The following SON variants were observed in gnomAD, a reference collection of about 807,000 sequenced individuals.
The protein encoded by SON is SON DNA and RNA binding protein, also known as protein SON.
SON carries 4 observed loss-of-function variants against 173.3 expected under a neutral mutation model. The observed-to-expected ratio is 0.02, with a 90% CI of 0.01 to 0.05. The LOEUF is 0.05. Ranked by LOEUF, SON falls within the 10% of genes least tolerant of loss-of-function variation. The pLI, the probability that SON is intolerant of heterozygous loss-of-function variation, is 1.00. For missense variants in SON, 2,626 were observed against 3,055.3 expected (o/e 0.86, Z 3.31); for synonymous variants, 1,190 against 1,105.9 (o/e 1.08, Z -1.51).
intron 6 of SON, chr21:33,560,391 C>T (rs1358202023): frequency 1.7e-6 from 2 of 1,151,904 alleles, no homozygotes; most frequent in Non-Finnish European, 2.1e-6. Flanking sequence ...ACTCCATTCC[C>T]TTCTCCTTCC....
At chr21:33,555,650 T>C (rs1354677903) in intron 3 of SON, among the ~76,000 whole-genome samples, 1 of 152,224 alleles carries the variant, frequency 6.6e-6, no homozygotes, top group African/African-American at 2.4e-5. Context: ...GTTTTAGTTA[T>C]CTTGCCATAG....
intron 8 of SON, chr21:33,572,534 A>T: frequency 7.7e-7 from 1 of 1,300,656 alleles, no homozygotes; most frequent in Non-Finnish European, 1.0e-6. Flanking sequence ...ACCCCTCTGT[A>T]TGGAAACTTG....
intron 1 of SON, 102 bp from the exon 2 acceptor site, chr21:33,546,111 C>T (rs1011450450): frequency 1.4e-5 from 13 of 927,040 alleles, no homozygotes; most frequent in African/African-American, 3.4e-5. Flanking sequence ...AAAGGTAAAA[C>T]ATCTGACAGT....
chr21:33,569,384 TCAGAATATTCCA>T, intron 8 of SON: 2 of 357,940 alleles, frequency 5.6e-6, no homozygotes, highest in Non-Finnish European at 5.5e-6. Context: ...CAGGTGCTGT[TCAGAATATTCCA>T]CAGTTCCTGC....
intron 4 of SON, chr21:33,557,517 A>C: frequency 6.4e-7 from 1 of 1,550,780 alleles, no homozygotes; most frequent in Non-Finnish European, 8.7e-7. Flanking sequence ...GCTAGCTAAA[A>C]GTTACTTCCC....
intron 1 of SON, among the ~76,000 whole-genome samples, chr21:33,545,056 C>G (rs921697468): frequency 2.0e-5 from 3 of 152,098 alleles, no homozygotes; most frequent in Admixed American, 6.5e-5. Flanking sequence ...ATGAGGCTGA[C>G]ATTTAGATAG....
In SON at chr21:33,559,995, G is replaced by A. The variant is rs763022057; in HGVS notation, c.6657+220G>A. The A allele has an allele frequency of 1.1e-5, 17 of 1,614,156 alleles. No homozygotes were observed. Among genetic ancestry groups the A allele is most frequent in the East Asian group, 6.7e-5 (3 of 44,880 alleles). The stretch of plus-strand genomic sequence containing the variant: ...ACCAAGCCACAAAGTGAAAAGCATC[G>A]AATTGCAGAGAACAGTGTTATCACA... On this transcript the variant is annotated intron_variant, in intron 6 of 11. Transcript: ENST00000356577. The surrounding 1 kb of genome is among the most constrained non-coding windows in gnomAD (Gnocchi z 4.1).
chr21:33,546,639 G>T lies in SON; in HGVS notation c.244+260G>T, dbSNP rs2085623060. On this transcript the variant is annotated intron_variant, in intron 2 of 11. Transcript: ENST00000356577. ...CTACTGAAAATACAAAAATTAGCCG[G>T]GTGTGGTGGTGGGTGCCTGTAATCC... 3 of 234,274 alleles carry T rather than the reference G, an allele frequency of 1.3e-5. No homozygotes were observed. The East Asian group carries it at 4.2e-4, about 33-fold the overall frequency. 14.5% of individuals were successfully genotyped at this position (234,274 alleles called of 1,614,324 possible).
At chr21:33,568,809 C>T (rs1185976988) in intron 7 of SON, among the ~76,000 whole-genome samples, 162 bp from the exon 8 acceptor site, 1 of 152,148 alleles carries the variant, frequency 6.6e-6, no homozygotes, top group African/African-American at 2.4e-5. Flanking sequence ...TAAATGTTGT[C>T]AAACTGCTTC....
rs1408233408 is a variant in SON at position 33,554,798 on chromosome 21, C to T, written c.5567C>T (p.Ser1856Phe). ...AGAAAGAGATCATCTAAGTCCAAGT[C>T]TCATCGCTCTCAGACACGTTCACGG... Reference protein sequence around the residue: ...RARKRSSKSKSHRSQTRSRSR... With the variant: ...RARKRSSKSKFHRSQTRSRSR... The change falls in exon 3 of 12, where the codon TCT becomes TTT. Residue 1856 changes from serine (S) to phenylalanine (F), a missense_variant. Ser to Phe is a radical substitution (Grantham distance 155). This residue lies in a region of SON where 1,006 missense variants were observed against 895.6 expected (regional missense o/e 1.12). Transcript: ENST00000356577. 3 of 1,613,936 alleles carry T rather than the reference C, an allele frequency of 1.9e-6. No homozygotes were observed. Among genetic ancestry groups the T allele is most frequent in the African/African-American group, 2.7e-5 (2 of 75,032 alleles).
intron 7 of SON, 48 bp downstream of exon 7, chr21:33,567,315 TCA>T (rs1231966382): frequency 2.9e-6 from 3 of 1,038,614 alleles, no homozygotes; most frequent in East Asian, 2.4e-5. Flanking sequence ...ATCAGCCAAC[TCA>T]CACCAATGTA....
At position 33,559,780 on chromosome 21, in the gene SON, G is replaced by A; in HGVS notation, c.6657+5G>A. 6.2e-7 allele frequency: 1 copy of A among 1,613,162 alleles called. No homozygotes were observed. The highest frequency in any genetic ancestry group is 8.5e-7 in the Non-Finnish European group (1 of 1,179,560). On this transcript the variant is annotated splice_donor_5th_base_variant and intron_variant, in intron 6 of 11. Transcript: ENST00000356577. The surrounding 1 kb of genome is among the most constrained non-coding windows in gnomAD (Gnocchi z 4.1). ...AGCAGCAATTTGCCCTCAGAGGTAA[G>A]TAGGAGGAATATTATGTATTTTTCC...
Position 33,554,094 on chromosome 21 carries a change from T to A in SON, c.4863T>A (p.Ser1621Arg). The A allele has an allele frequency of 6.2e-7, 1 of 1,614,004 alleles. No individual in the cohort carries two copies. The highest frequency in any genetic ancestry group is 8.5e-7 in the Non-Finnish European group (1 of 1,179,890). The change falls in exon 3 of 12, where the codon AGT becomes AGA. Residue 1621 changes from serine to arginine, a missense_variant. Ser to Arg is a moderately radical substitution (Grantham distance 110). Coordinates refer to ENST00000356577, the MANE Select transcript of SON (RefSeq NM_138927.4). The stretch of plus-strand genomic sequence containing the variant: ...AATTTACCACAGCATCTACTCTCAG[T>A]TTAGTTAATAAATATGATGTTGATT... ...GIEFTTASTL[S>R]LVNKYDVDLS...
intron 2 of SON, among the ~76,000 whole-genome samples, chr21:33,548,878 A>C (rs1017173084): frequency 3.3e-5 from 5 of 152,240 alleles, no homozygotes; most frequent in African/African-American, 1.2e-4. Flanking sequence ...TGAGAGCTGG[A>C]GGGAATAATT....
rs1016369743 is a variant in SON, at chr21:33,550,228, G to A, written c.997G>A (p.Ala333Thr). ...STTMDFPESS[A>T]IEALRLPEQP... ...AACAATGGATTTTCCAGAGTCATCTGCAATTGAAGCGCTAAGATTGCCAGA... is the reference window on the plus strand; with the variant it reads ...AACAATGGATTTTCCAGAGTCATCTACAATTGAAGCGCTAAGATTGCCAGA... Residue 333 changes from alanine to threonine, a missense_variant, in exon 3 of 12, where the codon GCA (alanine) becomes ACA (threonine). Transcript: ENST00000356577. 2.5e-6 allele frequency: 4 copies of A among 1,614,142 alleles called. No homozygotes were observed. The African/African-American group carries it at 5.3e-5, about 22-fold the overall frequency.
rs771335229 is a variant in SON at position 33,546,251 on chromosome 21, C to T, written c.116C>T (p.Thr39Ile). 2 of 1,613,412 alleles carry T rather than the reference C, an allele frequency of 1.2e-6. No individual in the cohort carries two copies. Among genetic ancestry groups the T allele is most frequent in the South Asian group, 1.1e-5 (1 of 90,940 alleles). The change falls in exon 2 of 12, where the codon ACA (threonine) becomes ATA (isoleucine). Residue 39 changes from threonine to isoleucine, a missense_variant. Thr to Ile is a moderately conservative substitution (Grantham distance 89). This residue lies in a region of SON where 757 missense variants were observed against 730.1 expected (regional missense o/e 1.04). Transcript: ENST00000356577. ...NEGQLNGETN[T>I]PIEGNQAGDA... ...GGCCAGCTGAATGGTGAAACAAATACACCCATTGAAGGAAACCAGGCGGGT... is the reference window on the plus strand; with the variant it reads ...GGCCAGCTGAATGGTGAAACAAATATACCCATTGAAGGAAACCAGGCGGGT...
rs564002051 is a variant in SON, at chr21:33,567,870, G to A, written c.6768+603G>A. Among the ~76,000 whole-genome samples, 160 of 152,014 alleles carry A rather than the reference G, an allele frequency of 1.1e-3. 1 individual carries two copies. The highest frequency in any genetic ancestry group is 1.8e-3 in the Non-Finnish European group (121 of 67,942). ...AGAGGTTGCAGTGAGCCAGGATCGC[G>A]CCACTGTACTCCAGCCTGGGCAACA... On this transcript the variant is annotated intron_variant, in intron 7 of 11. Transcript: ENST00000356577.
At chr21:33,545,879 C>G (rs1034834819) in intron 1 of SON, among the ~76,000 whole-genome samples, 46 of 152,058 alleles carry the variant, frequency 3.0e-4, no homozygotes, top group Non-Finnish European at 6.2e-4. Context: ...GATTTGTGAC[C>G]GGGCTCTTAT....
chr21:33,576,872 T>G lies in SON; in HGVS notation c.*448T>G, dbSNP rs1455811808. On this transcript the variant is annotated 3_prime_UTR_variant, in exon 12 of 12. Coordinates refer to ENST00000356577, the MANE Select transcript of SON (RefSeq NM_138927.4). ...GTTAAATAACGCTTTTATACTGTATTTTGTACTATGATGTAACTCCCCTTC... is the reference window on the plus strand; with the variant it reads ...GTTAAATAACGCTTTTATACTGTATGTTGTACTATGATGTAACTCCCCTTC... 13 of 289,226 alleles carry G rather than the reference T, an allele frequency of 4.5e-5. No homozygotes were observed. Among genetic ancestry groups the G allele is most frequent in the Non-Finnish European group, 7.6e-5 (11 of 144,072 alleles). 17.9% of individuals were successfully genotyped at this position (289,226 alleles called of 1,614,324 possible).
Sources: allele counts gnomAD v4.1 joint callset (sites outside exome capture counted in the v4.1 genomes callset), GRCh38; gene constraint gnomAD v4.1.1; regional missense constraint gnomAD v4.1.1; non-coding constraint Gnocchi (gnomAD v3.1); transcripts MANE v1.5; gene names NCBI Gene and HGNC (gene_info 2026-07-23, HGNC 2026-07-21).